Variants in STK33 observed in about 807,000 individuals in gnomAD.
STK33 encodes serine/threonine kinase 33.
In STK33, 52 loss-of-function variants were observed where a neutral mutation model predicts 58.0. The ratio of observed to expected loss-of-function variants is 0.90; its 90% CI spans 0.72 to 1.13. The LOEUF is 1.13. STK33 is among the 50% of genes most tolerant of loss of function. The pLI, the probability that STK33 is intolerant of heterozygous loss-of-function variation, is 0.00. For missense variants in STK33, 630 were observed against 604.2 expected, an observed-to-expected ratio of 1.04 and a Z score of -0.45; for synonymous variants, 215 against 200.1, an observed-to-expected ratio of 1.07 and a Z score of -0.63.
chr11:8,351,160 G>A, the STK33 span, among the ~76,000 whole-genome samples: 2 of 151,890 alleles, frequency 1.3e-5, no homozygotes, highest in African/African-American at 4.8e-5. Context: ...ACCTCCCCCC[G>A]AAACCAAACG....
the STK33 span, among the ~76,000 whole-genome samples, chr11:8,348,882 G>GAA: frequency 1.4e-4 from 21 of 150,366 alleles, no homozygotes; most frequent in Middle Eastern, 3.4e-3. Context: ...TAAGAAACTG[G>GAA]AAAAAAAAAA....
rs774977191 is a variant in STK33, at chr11:8,461,807, T to C, written c.556A>G (p.Lys186Glu). ...IHLEQVFETPKKMYLVMELCE... is the reference protein window; with the variant it reads ...IHLEQVFETPEKMYLVMELCE... ...TGCAGCGCCTAATAGAGGTTTACCT[T>C]TGGCGTTTCAAATACTTGTTCCAGA... The change falls in exon 8 of 16, where the codon AAG (lysine) becomes GAG (glutamate). Residue 186 changes from lysine to glutamate, a missense_variant and splice_region_variant. Physicochemically the swap from Lys to Glu is moderately conservative, Grantham distance 56 (BLOSUM62 1). Transcript: ENST00000687296. 6.3e-7 allele frequency: 1 copy of C among 1,578,166 alleles called. No individual in the cohort carries two copies. The highest frequency in any genetic ancestry group is 8.6e-7 in the Non-Finnish European group (1 of 1,165,996).
rs552834161 is a variant in STK33 at position 8,461,979 on chromosome 11, T to C, written c.454-70A>G. The C allele has an allele frequency of 1.4e-4, 177 of 1,229,294 alleles. 2 individuals carry two copies. In the South Asian group the frequency reaches 1.9e-3, roughly 13 times the overall value. The allele number at this position is 1,229,294 out of a possible 1,614,324, so 76.1% of individuals were successfully genotyped here. A position where few individuals can be genotyped will look rare whatever the true frequency, so the allele number is the denominator to read the frequency against. The stretch of plus-strand genomic sequence containing the variant: ...CCTACATTCCTTGATAGAAAAGTTA[T>C]TTTATGTTTTCCTACTTTTTTTCCT... On this transcript the variant is annotated intron_variant, in intron 7 of 15. Transcript: ENST00000687296.
chr11:8,532,331 A>C (rs1435726337), intron 1 of STK33, among the ~76,000 whole-genome samples: 1 of 152,260 alleles, frequency 6.6e-6, no homozygotes, highest in Non-Finnish European at 1.5e-5. Flanking sequence ...TTATTGGAAT[A>C]CATACAGGTT....
At chr11:8,361,543 C>G in the STK33 span, among the ~76,000 whole-genome samples, 1 of 152,032 alleles carries the variant, frequency 6.6e-6, no homozygotes, top group African/African-American at 2.4e-5. This position sits in a 1 kb window ranked among gnomAD's most constrained non-coding sequence, Gnocchi z 4.8. Flanking sequence ...CTCAATGTGC[C>G]AGGCTCGCCT....
intron 1 of STK33, among the ~76,000 whole-genome samples, chr11:8,575,910 G>A (rs574319844): frequency 6.6e-6 from 1 of 152,042 alleles, no homozygotes; most frequent in African/African-American, 2.4e-5. Flanking sequence ...GACTGGGAGA[G>A]ACTAAATCAT....
chr11:8,385,631 G>A, the STK33 span, among the ~76,000 whole-genome samples: 1 of 152,132 alleles, frequency 6.6e-6, no homozygotes, highest in East Asian at 1.9e-4. Context: ...CTGTCTCTGT[G>A]CCCCCATGGC....
intron 5 of STK33, among the ~76,000 whole-genome samples, chr11:8,473,999 C>T (rs1312775826): frequency 6.6e-6 from 1 of 151,902 alleles, no homozygotes; most frequent in East Asian, 1.9e-4. Flanking sequence ...ATGGAGAAAC[C>T]CCCTCTCTAC....
At chr11:8,422,176 G>A (rs1265093779) in intron 14 of STK33, among the ~76,000 whole-genome samples, 1 of 152,048 alleles carries the variant, frequency 6.6e-6, no homozygotes, top group Non-Finnish European at 1.5e-5. Context: ...TTTTAATCAT[G>A]AATACATGTT....
chr11:8,355,201 G>A, the STK33 span, among the ~76,000 whole-genome samples: 20 of 152,324 alleles, frequency 1.3e-4, no homozygotes, highest in Middle Eastern at 3.4e-3. Flanking sequence ...GGCCTGGAGG[G>A]TGCCAGGGAG....
intron 2 of STK33, among the ~76,000 whole-genome samples, chr11:8,478,326 T>C (rs1949475661): frequency 6.6e-6 from 1 of 152,178 alleles, no homozygotes; most frequent in South Asian, 2.1e-4. Flanking sequence ...AACCAAAGAA[T>C]CTTCTAATAC....
At chr11:8,523,673 C>T (rs938212632) in intron 1 of STK33, among the ~76,000 whole-genome samples, 9 of 150,740 alleles carry the variant, frequency 6.0e-5, no homozygotes, top group East Asian at 2.0e-4. Context: ...GGGCAGCCCC[C>T]GCCAGGCAGC....
chr11:8,439,370 G>GAATT (rs1217095257), intron 12 of STK33, among the ~76,000 whole-genome samples: 1 of 152,046 alleles, frequency 6.6e-6, no homozygotes, highest in Admixed American at 6.6e-5. Flanking sequence ...AGGGAACAAT[G>GAATT]AATTCTATTG....
intron 1 of STK33, among the ~76,000 whole-genome samples, chr11:8,535,259 G>A (rs1472177208): frequency 6.6e-6 from 1 of 152,070 alleles, no homozygotes; most frequent in Non-Finnish European, 1.5e-5. Flanking sequence ...ACAGGTTTAA[G>A]TTCTCCCAAT....
At chr11:8,508,803 C>CAAGGT (rs963869670) in intron 1 of STK33, among the ~76,000 whole-genome samples, 2 of 152,088 alleles carry the variant, frequency 1.3e-5, no homozygotes, top group South Asian at 4.1e-4. Flanking sequence ...GAATAACCAT[C>CAAGGT]AAGGTCTCAG....
intron 1 of STK33, among the ~76,000 whole-genome samples, chr11:8,489,272 G>GAAAAAAAAAAAAAAAAAAAAAA (rs60919146): frequency 1.6e-5 from 2 of 126,584 alleles, no homozygotes; most frequent in African/African-American, 5.8e-5. Flanking sequence ...AAAAAAAAAA[G>GAAAAAAAAAAAAAAAAAAAAAA]AAAAAAAAAA....
At chr11:8,499,890 G>A (rs1591503145) in intron 1 of STK33, among the ~76,000 whole-genome samples, 1 of 152,090 alleles carries the variant, frequency 6.6e-6, no homozygotes. Flanking sequence ...TGGACACAGG[G>A]AGGGGAACAT....
intron 1 of STK33, among the ~76,000 whole-genome samples, chr11:8,571,099 T>C (rs919047803): frequency 3.9e-5 from 6 of 152,126 alleles, no homozygotes; most frequent in Admixed American, 6.5e-5. Context: ...GTTTAACACA[T>C]AGAAGCAGTT....
chr11:8,536,703 G>A (rs576626440), intron 1 of STK33, among the ~76,000 whole-genome samples: 46 of 151,906 alleles, frequency 3.0e-4, no homozygotes, highest in Admixed American at 1.3e-3. Flanking sequence ...ATTTCATTTG[G>A]TTCTTCTTCA....
Sources: allele counts gnomAD v4.1 joint callset (sites outside exome capture counted in the v4.1 genomes callset), GRCh38; gene constraint gnomAD v4.1.1; non-coding constraint Gnocchi (gnomAD v3.1); transcripts MANE v1.5; gene names NCBI Gene and HGNC (gene_info 2026-07-23, HGNC 2026-07-21).